CCDC144A: variants seen among roughly 807,000 people sequenced by gnomAD.
The protein encoded by CCDC144A is coiled-coil domain-containing protein 144A.
CCDC144A carries 41 observed loss-of-function variants against 143.8 expected under a neutral mutation model. The ratio of observed to expected loss-of-function variants is 0.29; its 90% confidence interval spans 0.22 to 0.37. The LOEUF (loss-of-function observed/expected upper bound fraction) is 0.37. Ranked by LOEUF, CCDC144A falls within the 10% of genes least tolerant of loss-of-function variation. CCDC144A has a pLI of 1.00. For missense variants in CCDC144A, 637 were observed against 1,488.8 expected, an observed-to-expected ratio of 0.43 and a Z score of 9.41; for synonymous variants, 242 against 517.9, an observed-to-expected ratio of 0.47 and a Z score of 7.23.
At chr17:16,768,068 A>G (rs1237440556) in intron 15 of CCDC144A, among the ~76,000 whole-genome samples, 3 of 152,284 alleles carry the variant, frequency 2.0e-5, no homozygotes, top group South Asian at 2.1e-4. Context: ...ATATATCTAC[A>G]TGTAAGTGTG....
chr17:16,711,144 A>AAAAAAAAAC (rs1555531716), intron 5 of CCDC144A, among the ~76,000 whole-genome samples: 9 of 135,522 alleles, frequency 6.6e-5, no homozygotes, highest in South Asian at 4.9e-4. Context: ...ATGAAAAAAA[A>AAAAAAAAAC]AAAAAAAAAA....
the CCDC144A span, among the ~76,000 whole-genome samples, chr17:16,674,338 G>A: frequency 2.6e-5 from 4 of 152,050 alleles, no homozygotes; most frequent in Non-Finnish European, 2.9e-5. Flanking sequence ...TGCTGGAGCC[G>A]GAAAAGTTGA....
intron 9 of CCDC144A, among the ~76,000 whole-genome samples, chr17:16,729,552 C>CCTTTTCTTTT: frequency 6.6e-6 from 1 of 152,016 alleles, no homozygotes; most frequent in African/African-American, 2.4e-5. Flanking sequence ...TGTGCAGAAG[C>CCTTTTCTTTT]CTTTTCTTTT....
chr17:16,744,804 T>G (rs1303224137), intron 12 of CCDC144A, among the ~76,000 whole-genome samples: 2 of 152,130 alleles, frequency 1.3e-5, no homozygotes, highest in Non-Finnish European at 2.9e-5. Context: ...CATTCACATT[T>G]AGCAATTTCA....
At chr17:16,675,445 T>C in the CCDC144A span, among the ~76,000 whole-genome samples, 1 of 151,682 alleles carries the variant, frequency 6.6e-6, no homozygotes, top group East Asian at 1.9e-4. Context: ...GATATTTAAA[T>C]CCCATGCCTT....
rs1033282069 is a variant in CCDC144A, at chr17:16,775,543, T to C, written c.*1910T>C. ...TTTGTGTCCTTTGACCACTTTCTAA[T>C]GGGGTTGAGTTTTTTTTTCTTGTAA... On this transcript the variant is annotated 3_prime_UTR_variant, in exon 17 of 17. Coordinates refer to ENST00000399273, the MANE Select transcript of CCDC144A (RefSeq NM_001382000.1). The C allele has an allele frequency of 1.3e-5, 2 of 152,264 alleles. No individual in the cohort carries two copies. The highest frequency in any genetic ancestry group is 4.8e-5 in the African/African-American group (2 of 41,460). The allele number at this position is 152,264 out of a possible 1,614,324, so 9.4% of individuals were successfully genotyped here.
At chr17:16,715,350 G>A (rs1912689094) in intron 6 of CCDC144A, among the ~76,000 whole-genome samples, 1 of 151,284 alleles carries the variant, frequency 6.6e-6, no homozygotes, top group African/African-American at 2.4e-5. Flanking sequence ...GGTTTCACAT[G>A]GGTTCATTCT....
chr17:16,720,838 G>T (rs1004932629), intron 8 of CCDC144A, among the ~76,000 whole-genome samples, 180 bp downstream of exon 8: 4 of 152,184 alleles, frequency 2.6e-5, no homozygotes, highest in African/African-American at 9.7e-5. Context: ...ACTTTTCTCA[G>T]TGTGAGTGGC....
At chr17:16,745,964 G>A in intron 12 of CCDC144A, 1 of 1,607,588 alleles carries the variant, frequency 6.2e-7, no homozygotes, top group Non-Finnish European at 8.5e-7. Flanking sequence ...TGTGCCTCCT[G>A]CCGTCATCCA....
chr17:16,714,275 C>T (rs1168078138), intron 6 of CCDC144A, among the ~76,000 whole-genome samples: 2 of 152,188 alleles, frequency 1.3e-5, no homozygotes, highest in African/African-American at 2.4e-5. Context: ...TGCGTGTCTC[C>T]AGCCTAGATC....
chr17:16,733,364 G>A (rs1382653073), intron 11 of CCDC144A, among the ~76,000 whole-genome samples: 5 of 147,114 alleles, frequency 3.4e-5, no homozygotes, highest in African/African-American at 7.5e-5. Context: ...TTAGCCAGGC[G>A]TGGTGGCGGG....
At chr17:16,682,900 T>G in the CCDC144A span, among the ~76,000 whole-genome samples, 1,292 of 118,150 alleles carry the variant, frequency 0.011, 88 homozygotes, top group African/African-American at 0.042. Flanking sequence ...TTTTTTTTTT[T>G]TTTTTTTTTT....
chr17:16,686,747 A>AAC (rs142329474), upstream of CCDC144A, among the ~76,000 whole-genome samples: 11,975 of 140,338 alleles, frequency 0.085, 525 homozygotes, highest in East Asian at 0.15. Flanking sequence ...CACACACACA[A>AAC]ACACACACAC....
chr17:16,722,864 G>T (rs1308377462), intron 8 of CCDC144A, among the ~76,000 whole-genome samples: 1 of 152,000 alleles, frequency 6.6e-6, no homozygotes, highest in South Asian at 2.1e-4. Flanking sequence ...GCTCATTATC[G>T]CATGGCTGTA....
the CCDC144A span, chr17:16,683,468 C>T: frequency 1.5e-6 from 2 of 1,333,568 alleles, no homozygotes; most frequent in Non-Finnish European, 2.1e-6. Flanking sequence ...GCGGCAGAGT[C>T]GCCTTGGCCG....
chr17:16,751,508 G>A (rs145302286), intron 12 of CCDC144A, among the ~76,000 whole-genome samples: 8 of 152,176 alleles, frequency 5.3e-5, no homozygotes, highest in African/African-American at 1.9e-4. Flanking sequence ...TTGTGAAGGC[G>A]AGAGATAACC....
At chr17:16,676,552 T>G in the CCDC144A span, among the ~76,000 whole-genome samples, 1 of 151,822 alleles carries the variant, frequency 6.6e-6, no homozygotes, top group Admixed American at 6.6e-5. Context: ...TTGTATTAAA[T>G]TGGCTTTTTT....
chr17:16,745,948 G>A (rs1914482631), intron 12 of CCDC144A: 1 of 1,605,904 alleles, frequency 6.2e-7, no homozygotes, highest in East Asian at 2.2e-5. Context: ...GGCTCGTGGT[G>A]AGCTCTGTGC....
chr17:16,756,516 T>C (rs1915095146), intron 12 of CCDC144A, among the ~76,000 whole-genome samples: 1 of 149,152 alleles, frequency 6.7e-6, no homozygotes, highest in Non-Finnish European at 1.5e-5. Flanking sequence ...ATAAATTGTT[T>C]TCCTGATTCA....
Sources: gnomAD v4.1 joint callset for allele counts (sites outside exome capture counted in the v4.1 genomes callset) on GRCh38, gnomAD v4.1.1 for gene constraint, MANE v1.5 for transcripts, NCBI Gene and HGNC (gene_info 2026-07-23, HGNC 2026-07-21) for gene names.